CCDC91: variants seen among roughly 807,000 people sequenced by gnomAD.
CCDC91 encodes coiled-coil domain-containing protein 91.
CCDC91 carries 48 observed loss-of-function variants against 63.2 expected under a neutral mutation model. That is an observed-to-expected ratio of 0.76 (90% CI 0.60 to 0.97). The LOEUF is 0.97. Ranked by LOEUF, CCDC91 falls within the 50% of genes least tolerant of loss-of-function variation. The probability of loss-of-function intolerance (pLI) is 0.00; values close to 1 mark genes in which losing one functional copy is unlikely to be tolerated. For missense variants in CCDC91, 500 were observed against 494.6 expected (o/e 1.01, Z -0.10); for synonymous variants, 167 against 165.8 (o/e 1.01, Z -0.06).
At chr12:28,343,893 T>C (rs1162637151) in intron 6 of CCDC91, among the ~76,000 whole-genome samples, 7 of 152,162 alleles carry the variant, frequency 4.6e-5, no homozygotes, top group Non-Finnish European at 8.8e-5. Flanking sequence ...TTAGGAAAAT[T>C]GACATTACTT....
intron 8 of CCDC91, among the ~76,000 whole-genome samples, chr12:28,408,200 G>A (rs1161430502): frequency 6.6e-6 from 1 of 151,952 alleles, no homozygotes; most frequent in Non-Finnish European, 1.5e-5. Flanking sequence ...TGTTCTCATT[G>A]TTCAACTCCC....
chr12:28,247,219 G>C (rs1486605943), intron 1 of CCDC91, among the ~76,000 whole-genome samples: 1 of 152,152 alleles, frequency 6.6e-6, no homozygotes, highest in Non-Finnish European at 1.5e-5. Context: ...GGTGGCTCAC[G>C]CCTGTAATCC....
At chr12:28,249,331 T>C (rs1241914744) in intron 1 of CCDC91, among the ~76,000 whole-genome samples, 1 of 152,162 alleles carries the variant, frequency 6.6e-6, no homozygotes, top group Admixed American at 6.5e-5. Context: ...GGAGGTGTTA[T>C]CAGTTGCCTT....
chr12:28,282,034 T>G (rs1474082179), intron 3 of CCDC91, among the ~76,000 whole-genome samples: 2 of 152,110 alleles, frequency 1.3e-5, no homozygotes, highest in African/African-American at 4.8e-5. Flanking sequence ...TATCATAACT[T>G]AAAGGTAGAA....
At chr12:28,321,856 A>G (rs978675685) in intron 6 of CCDC91, among the ~76,000 whole-genome samples, 3 of 151,854 alleles carry the variant, frequency 2.0e-5, no homozygotes, top group African/African-American at 7.2e-5. Flanking sequence ...ATTTAAAGCT[A>G]TAGTGTATTG....
intron 12 of CCDC91, among the ~76,000 whole-genome samples, chr12:28,506,656 G>T (rs1421813181): frequency 6.6e-6 from 1 of 151,922 alleles, no homozygotes; most frequent in Non-Finnish European, 1.5e-5. Context: ...AACAGGGCTA[G>T]TAGTTCAGAT....
chr12:28,434,334 T>C (rs1407444718), intron 8 of CCDC91, among the ~76,000 whole-genome samples: 2 of 151,748 alleles, frequency 1.3e-5, no homozygotes. Context: ...ACCGATTTTG[T>C]CAAATGCTTT....
intron 3 of CCDC91, among the ~76,000 whole-genome samples, chr12:28,294,015 T>C (rs1276548940): frequency 6.6e-6 from 1 of 152,178 alleles, no homozygotes; most frequent in Non-Finnish European, 1.5e-5. Context: ...GTGGAGAATA[T>C]GAGCTTGAGA....
chr12:28,543,340 G>C (rs1942764313), intron 12 of CCDC91, among the ~76,000 whole-genome samples: 1 of 152,038 alleles, frequency 6.6e-6, no homozygotes, highest in Non-Finnish European at 1.5e-5. Context: ...ATATCCCACT[G>C]TTCTCTTACA....
In CCDC91 at chr12:28,390,938, CTT is replaced by C. The variant is rs200273851; in HGVS notation, c.655-352_655-351del. Among the ~76,000 whole-genome samples, 1,280 of 136,988 alleles carry C rather than the reference CTT, an allele frequency of 9.3e-3. 22 individuals are homozygous for C. Among genetic ancestry groups the C allele is most frequent in the African/African-American group, 0.033 (1,204 of 36,604 alleles). 89.9% of individuals were successfully genotyped at this position (136,988 alleles called of 152,430 possible). ...TTTTTTTCCTTTTTTCTTTTTCTTT[CTT>C]TTTTTTTTTTTTTCAGCAGCTTTCA... is the stretch of plus-strand genomic sequence containing the variant. On this transcript the variant is annotated intron_variant, in intron 7 of 12. Transcript: ENST00000536442.
At chr12:28,483,793 A>G (rs761788056) in intron 11 of CCDC91, among the ~76,000 whole-genome samples, 1 of 152,144 alleles carries the variant, frequency 6.6e-6, no homozygotes, top group African/African-American at 2.4e-5. Flanking sequence ...TTGGTAGGGA[A>G]GCCATTGGAA....
chr12:28,293,005 A>G (rs1592224874), intron 3 of CCDC91, among the ~76,000 whole-genome samples: 1 of 152,332 alleles, frequency 6.6e-6, no homozygotes, highest in Admixed American at 6.5e-5. Context: ...ATAAGGTGCT[A>G]AAAGTCTTTT....
intron 12 of CCDC91, among the ~76,000 whole-genome samples, chr12:28,521,252 C>T (rs1433513107): frequency 5.9e-5 from 9 of 152,096 alleles, no homozygotes; most frequent in Non-Finnish European, 1.3e-4. Flanking sequence ...TTTCATTGAG[C>T]AGTGGTTTGT....
chr12:28,437,762 A>G (rs1948986056), intron 8 of CCDC91, among the ~76,000 whole-genome samples: 1 of 151,918 alleles, frequency 6.6e-6, no homozygotes, highest in African/African-American at 2.4e-5. Context: ...TTTTTTTTTA[A>G]CAAAATAATT....
In CCDC91 at chr12:28,307,769, G is replaced by A. The variant is rs531695081; in HGVS notation, c.576+20G>A. On this transcript the variant is annotated intron_variant, in intron 6 of 12. Transcript: ENST00000536442. ...CTTCAGGTAAGGCGATTGAACTTAA[G>A]ATTTAAAATGTAAGCCTTTTGATGA... 1.6e-6 allele frequency: 2 copies of A among 1,266,024 alleles called. No homozygotes were observed. Among genetic ancestry groups the A allele is most frequent in the African/African-American group, 1.5e-5 (1 of 66,476 alleles). 78.4% of individuals were successfully genotyped at this position (1,266,024 alleles called of 1,614,324 possible). A position where few individuals can be genotyped will look rare whatever the true frequency, so the allele number is the denominator to read the frequency against.
intron 1 of CCDC91, chr12:28,236,135 T>C (rs1212114631): frequency 6.6e-6 from 1 of 152,104 alleles, no homozygotes; most frequent in Non-Finnish European, 1.5e-5. Context: ...AGATCAAAGT[T>C]TGATCTCTAT....
intron 7 of CCDC91, among the ~76,000 whole-genome samples, chr12:28,369,625 C>A (rs1944485787): frequency 6.6e-6 from 1 of 152,186 alleles, no homozygotes; most frequent in Non-Finnish European, 1.5e-5. Flanking sequence ...TGTAGGGGAT[C>A]CAACCCCACA....
At chr12:28,238,444 G>T (rs148379463) in intron 1 of CCDC91, among the ~76,000 whole-genome samples, 88 of 152,214 alleles carry the variant, frequency 5.8e-4, no homozygotes, top group African/African-American at 1.9e-3. Context: ...CCTAAGGAAA[G>T]AATTAGTTTT....
At chr12:28,539,456 A>C (rs190189197) in intron 12 of CCDC91, among the ~76,000 whole-genome samples, 66 of 152,156 alleles carry the variant, frequency 4.3e-4, no homozygotes, top group African/African-American at 1.3e-3. Context: ...GTTCTGTTCC[A>C]TTGGTCTATA....
Sources: gnomAD v4.1 joint callset for allele counts (sites outside exome capture counted in the v4.1 genomes callset) on GRCh38, gnomAD v4.1.1 for gene constraint, MANE v1.5 for transcripts, NCBI Gene and HGNC (gene_info 2026-07-23, HGNC 2026-07-21) for gene names.